Variants in PLOD2 observed in about 807,000 individuals in gnomAD.
The protein encoded by PLOD2 is procollagen-lysine,2-oxoglutarate 5-dioxygenase 2.
PLOD2 carries 65 observed loss-of-function variants against 101.0 expected under a neutral mutation model. The ratio of observed to expected loss-of-function variants is 0.64; its 90% CI spans 0.53 to 0.79. The LOEUF is 0.79. PLOD2 is among the 30% of genes least tolerant of loss of function. PLOD2 has a pLI of 0.00. For missense variants in PLOD2, 909 were observed against 914.6 expected, an observed-to-expected ratio of 0.99 and a Z score of 0.08; for synonymous variants, 314 against 302.9, an observed-to-expected ratio of 1.04 and a Z score of -0.38.
intron 1 of PLOD2, among the ~76,000 whole-genome samples, chr3:146,158,122 G>A (rs2032389081): frequency 6.6e-6 from 1 of 152,068 alleles, no homozygotes; most frequent in African/African-American, 2.4e-5. Context: ...AGACATGACG[G>A]CAAAGACTTG....
At chr3:146,115,640 A>G (rs967805560) in intron 3 of PLOD2, among the ~76,000 whole-genome samples, 2 of 152,202 alleles carry the variant, frequency 1.3e-5, no homozygotes, top group Non-Finnish European at 2.9e-5. Context: ...AGACCTCTAC[A>G]TTACCCATCT....
intron 1 of PLOD2, among the ~76,000 whole-genome samples, chr3:146,146,453 C>T (rs1025205420): frequency 2.0e-5 from 3 of 152,060 alleles, no homozygotes; most frequent in Admixed American, 1.3e-4. Context: ...TACGGTTTAC[C>T]CTACACCAGT....
At chr3:146,099,372 A>G (rs1937307605) in intron 7 of PLOD2, among the ~76,000 whole-genome samples, 1 of 152,070 alleles carries the variant, frequency 6.6e-6, no homozygotes, top group Non-Finnish European at 1.5e-5. Context: ...TAATCACTAA[A>G]TTCTCAGGAC....
At chr3:146,094,170 T>G (rs1025680237) in intron 7 of PLOD2, among the ~76,000 whole-genome samples, 3 of 152,206 alleles carry the variant, frequency 2.0e-5, no homozygotes, top group Admixed American at 1.3e-4. Context: ...ATCAAAATGT[T>G]TCCAAGTATG....
chr3:146,097,771 C>T (rs1303281741), intron 7 of PLOD2, among the ~76,000 whole-genome samples: 1 of 109,494 alleles, frequency 9.1e-6, no homozygotes, highest in Non-Finnish European at 1.8e-5. Flanking sequence ...TCCCCCTCTG[C>T]GAGAAACACC....
intron 1 of PLOD2, among the ~76,000 whole-genome samples, chr3:146,148,826 C>G (rs2031919863): frequency 6.6e-6 from 1 of 152,152 alleles, no homozygotes; most frequent in Non-Finnish European, 1.5e-5. Context: ...AAAACAAATT[C>G]AGCACTATAC....
At chr3:146,079,983 T>A (rs1006115312) in intron 12 of PLOD2, among the ~76,000 whole-genome samples, 1 of 152,044 alleles carries the variant, frequency 6.6e-6, no homozygotes, top group African/African-American at 2.4e-5. Context: ...ATGACTGATT[T>A]CATAAAAACT....
intron 10 of PLOD2, chr3:146,085,548 C>CA (rs1936738080): frequency 1.2e-5 from 6 of 493,578 alleles, no homozygotes; most frequent in Non-Finnish European, 2.1e-5. Context: ...ATAAAACATC[C>CA]ACAAATCAAA....
chr3:146,151,619 TG>T (rs1199386014), intron 1 of PLOD2, among the ~76,000 whole-genome samples: 1 of 152,120 alleles, frequency 6.6e-6, no homozygotes, highest in Non-Finnish European at 1.5e-5. Context: ...AGAACTTAGA[TG>T]TAGGTTTCCT....
chr3:146,110,198 A>G, intron 4 of PLOD2, 87 bp downstream of exon 4: 2 of 1,131,570 alleles, frequency 1.8e-6, no homozygotes, highest in South Asian at 2.5e-5. Flanking sequence ...TTAAAACTTC[A>G]TATCTAAAGT....
chr3:146,092,308 C>G (rs1178954289), intron 7 of PLOD2, among the ~76,000 whole-genome samples: 1 of 151,934 alleles, frequency 6.6e-6, no homozygotes, highest in Admixed American at 6.6e-5. Context: ...AAAGGCTGAG[C>G]ACAGACACCT....
intron 6 of PLOD2, among the ~76,000 whole-genome samples, chr3:146,103,443 C>T (rs1357477206): frequency 4.0e-5 from 6 of 151,420 alleles, no homozygotes; most frequent in African/African-American, 1.5e-4. Context: ...CCAAACTAAA[C>T]ATTTTGCATT....
intron 12 of PLOD2, among the ~76,000 whole-genome samples, chr3:146,080,812 T>A (rs16857897): frequency 0.18 from 27,066 of 152,116 alleles, 2,917 homozygotes; most frequent in South Asian, 0.26. Flanking sequence ...TAGTCTTTTC[T>A]CCTCCACTGT....
intron 2 of PLOD2, among the ~76,000 whole-genome samples, chr3:146,122,132 ACTGAGCCGGAG>A (rs1263130048): frequency 6.6e-6 from 1 of 152,212 alleles, no homozygotes; most frequent in African/African-American, 2.4e-5. Context: ...TTTACTTAAT[ACTGAGCCGGAG>A]ATAAATCTTG....
rs780638348 is a variant in PLOD2 at position 146,075,505 on chromosome 3, A to AAAAG, written c.1677+1276_1677+1277insCTTT. On this transcript the variant is annotated intron_variant, in intron 15 of 19. Transcript: ENST00000282903. The stretch of plus-strand genomic sequence containing the variant: ...AAATCTGTAAAAAAAAAAAAAAAAA[A>AAAAG]AAGAAGAAGAAAACAGATTTTAAAA... 5.0e-3 allele frequency among the ~76,000 whole-genome samples: 745 copies of AAAAG among 150,268 alleles called. 10 individuals carry two copies. Among genetic ancestry groups the AAAAG allele is most frequent in the South Asian group, 0.013 (61 of 4,768 alleles).
At chr3:146,114,191 G>A (rs1430289671) in intron 3 of PLOD2, among the ~76,000 whole-genome samples, 1 of 151,688 alleles carries the variant, frequency 6.6e-6, no homozygotes, top group Non-Finnish European at 1.5e-5. Flanking sequence ...TTTTAATTTC[G>A]CCCCGGTCCT....
chr3:146,083,362 T>C (rs1051721705), intron 11 of PLOD2, among the ~76,000 whole-genome samples: 1 of 152,236 alleles, frequency 6.6e-6, no homozygotes, highest in Non-Finnish European at 1.5e-5. Context: ...ATGTGTCAAA[T>C]CTCTTTCTCT....
chr3:146,111,606 A>G (rs1294953672), intron 3 of PLOD2, among the ~76,000 whole-genome samples: 2 of 152,200 alleles, frequency 1.3e-5, no homozygotes, highest in Non-Finnish European at 2.9e-5. Flanking sequence ...CAAAGTTTTT[A>G]CAAATGTGTA....
In PLOD2 at chr3:146,092,046, C is replaced by T. The variant is rs1025406386; in HGVS notation, c.778-145G>A. 6.2e-6 allele frequency: 4 copies of T among 642,092 alleles called. No individual in the cohort carries two copies. The African/African-American group carries it at 7.2e-5, about 12-fold the overall frequency. 39.8% of individuals were successfully genotyped at this position (642,092 alleles called of 1,614,324 possible). ...TACTAATATATCATCTGTAGGTGCA[C>T]ACTGAATAGTCTTCTCCAGAATATG... On this transcript the variant is annotated intron_variant, in intron 7 of 19. Transcript: ENST00000282903.
Sources: allele counts gnomAD v4.1 joint callset (sites outside exome capture counted in the v4.1 genomes callset), GRCh38; gene constraint gnomAD v4.1.1; transcripts MANE v1.5; gene names NCBI Gene and HGNC (gene_info 2026-07-23, HGNC 2026-07-21).